GPR39: variants seen among roughly 807,000 people sequenced by gnomAD.
GPR39 encodes zinc sensing receptor.
Under a neutral mutation model 18.4 loss-of-function variants are expected in GPR39, and 23 were observed. That is an observed-to-expected ratio of 1.25 (90% CI 0.90 to 1.77). The LOEUF (loss-of-function observed/expected upper bound fraction) is 1.77, where lower values mean the gene tolerates loss of function less well. Among genes scored for constraint, GPR39 ranks in the 40% most tolerant of loss-of-function variants. The probability of loss-of-function intolerance (pLI) is 0.00; values close to 1 mark genes in which losing one functional copy is unlikely to be tolerated. For missense variants in GPR39, 647 were observed against 602.4 expected, an observed-to-expected ratio of 1.07 and a Z score of -0.78; for synonymous variants, 280 against 257.9, an observed-to-expected ratio of 1.09 and a Z score of -0.82.
chr2:132,505,917 A>T (rs1368143417), intron 1 of GPR39, among the ~76,000 whole-genome samples: 1 of 152,234 alleles, frequency 6.6e-6, no homozygotes, highest in Non-Finnish European at 1.5e-5. Context: ...ATAAATACCA[A>T]GGAGTGGGAT....
intron 1 of GPR39, among the ~76,000 whole-genome samples, chr2:132,434,516 G>A (rs1401572394): frequency 6.6e-6 from 1 of 152,140 alleles, no homozygotes; most frequent in Admixed American, 6.5e-5. Flanking sequence ...GGTCAACACT[G>A]AAGGTGTTGA....
chr2:132,539,710 G>A (rs1388612985), intron 1 of GPR39, among the ~76,000 whole-genome samples: 1 of 152,166 alleles, frequency 6.6e-6, no homozygotes, highest in African/African-American at 2.4e-5. Context: ...CTTAGCTGGA[G>A]TGGCCAGAGC....
chr2:132,610,777 CAA>C (rs34611787), intron 1 of GPR39, among the ~76,000 whole-genome samples: 133 of 88,706 alleles, frequency 1.5e-3, no homozygotes, highest in East Asian at 7.1e-3. Flanking sequence ...ACTCTGTCTC[CAA>C]AAAAAAAAAA....
Position 132,645,402 on chromosome 2 carries a change from CTTTGTGCAGCGCCCGT to C in GPR39, c.1160_1175del (p.Phe387CysfsTer19), listed in dbSNP as rs769954039. On this transcript the variant is annotated frameshift_variant, in exon 2 of 2. Coordinates refer to ENST00000329321, the MANE Select transcript of GPR39 (RefSeq NM_001508.3). LOFTEE classifies it low-confidence loss of function (END_TRUNC). Reference sequence around the variant, plus strand: ...CGCACTCCACCACCGACAGCGCCCGCTTTGTGCAGCGCCCGTTGCTCTTCGCGTCCCGGCGCCAGTC... The same window carrying C: ...CGCACTCCACCACCGACAGCGCCCGCTGCTCTTCGCGTCCCGGCGCCAGTC... 4.3e-6 allele frequency: 7 copies of C among 1,613,704 alleles called. No individual in the cohort carries two copies. The highest frequency in any genetic ancestry group is 2.2e-5 in the South Asian group (2 of 91,066).
At chr2:132,580,968 AAAAAC>A (rs1680611804) in intron 1 of GPR39, among the ~76,000 whole-genome samples, 1 of 148,998 alleles carries the variant, frequency 6.7e-6, no homozygotes, top group African/African-American at 2.6e-5. Context: ...CTCAAAAAAA[AAAAAC>A]AAAAAAAAAA....
intron 1 of GPR39, among the ~76,000 whole-genome samples, chr2:132,537,932 G>T (rs1349420810): frequency 6.6e-6 from 1 of 151,900 alleles, no homozygotes; most frequent in East Asian, 1.9e-4. Context: ...GGTTATTCTG[G>T]TTAGCAACTC....
chr2:132,575,904 G>A (rs996154439), intron 1 of GPR39, among the ~76,000 whole-genome samples: 5 of 152,146 alleles, frequency 3.3e-5, no homozygotes, highest in African/African-American at 1.2e-4. Context: ...AATGGTATTA[G>A]TGCCATTGTA....
At chr2:132,440,750 AAAT>A (rs570371237) in intron 1 of GPR39, among the ~76,000 whole-genome samples, 3 of 152,066 alleles carry the variant, frequency 2.0e-5, no homozygotes, top group Non-Finnish European at 2.9e-5. Flanking sequence ...CTGAGATTTA[AAAT>A]AATAATAATA....
At chr2:132,466,431 A>G (rs913001044) in intron 1 of GPR39, among the ~76,000 whole-genome samples, 1 of 152,102 alleles carries the variant, frequency 6.6e-6, no homozygotes, top group African/African-American at 2.4e-5. Context: ...TAGGAATGAA[A>G]TGCATTTTTC....
At chr2:132,586,292 C>G (rs1159894141) in intron 1 of GPR39, among the ~76,000 whole-genome samples, 1 of 152,128 alleles carries the variant, frequency 6.6e-6, no homozygotes, top group African/African-American at 2.4e-5. Flanking sequence ...GTCGGTGATT[C>G]TGAAGGCACC....
intron 1 of GPR39, among the ~76,000 whole-genome samples, chr2:132,611,113 C>A (rs1681232378): frequency 6.6e-6 from 1 of 152,160 alleles, no homozygotes; most frequent in South Asian, 2.1e-4. Context: ...TTTGAAGCAC[C>A]CAACTTCCCC....
chr2:132,458,385 C>A (rs1310093426), intron 1 of GPR39, among the ~76,000 whole-genome samples: 1 of 145,238 alleles, frequency 6.9e-6, no homozygotes, highest in African/African-American at 2.6e-5. Context: ...ATTTCAAATT[C>A]TTCTATCTTA....
chr2:132,610,777 C>CACAA (rs1681224151), intron 1 of GPR39, among the ~76,000 whole-genome samples: 1 of 88,726 alleles, frequency 1.1e-5, no homozygotes, highest in Non-Finnish European at 2.2e-5. Context: ...ACTCTGTCTC[C>CACAA]AAAAAAAAAA....
intron 1 of GPR39, among the ~76,000 whole-genome samples, chr2:132,524,496 G>A (rs1452627671): frequency 2.6e-5 from 4 of 152,148 alleles, no homozygotes; most frequent in Non-Finnish European, 4.4e-5. Flanking sequence ...GCAACAACCT[G>A]CACTTTGCCA....
chr2:132,556,017 G>A lies in GPR39; in HGVS notation c.857-89084G>A, dbSNP rs28550684. On this transcript the variant is annotated intron_variant, in intron 1 of 1. Coordinates refer to ENST00000329321, the MANE Select transcript of GPR39 (RefSeq NM_001508.3). ...GATCTAGGGTGAAATGGGAGAATTTGTGCTTCTAACAAGTTCTCACAGGAT... is the reference window on the plus strand; with the variant it reads ...GATCTAGGGTGAAATGGGAGAATTTATGCTTCTAACAAGTTCTCACAGGAT... 4.4e-4 allele frequency among the ~76,000 whole-genome samples: 67 copies of A among 152,100 alleles called. 1 individual carries two copies. In the East Asian group the frequency reaches 0.01, roughly 24 times the overall value.
chr2:132,500,234 T>G (rs1316609385), intron 1 of GPR39, among the ~76,000 whole-genome samples: 2 of 152,128 alleles, frequency 1.3e-5, no homozygotes, highest in African/African-American at 2.4e-5. Flanking sequence ...ATAGATGGCT[T>G]TTATTACCTT....
chr2:132,503,955 C>G (rs1357868536), intron 1 of GPR39, among the ~76,000 whole-genome samples: 1 of 152,220 alleles, frequency 6.6e-6, no homozygotes, highest in Admixed American at 6.5e-5. Context: ...CCATGCTCCC[C>G]CAACAGCACT....
intron 1 of GPR39, chr2:132,644,822 T>G: frequency 2.5e-6 from 1 of 393,488 alleles, no homozygotes; most frequent in Non-Finnish European, 4.5e-6. Flanking sequence ...AAACATTTTT[T>G]TAAAATTAAC....
At chr2:132,455,017 T>C (rs957885903) in intron 1 of GPR39, among the ~76,000 whole-genome samples, 4 of 152,122 alleles carry the variant, frequency 2.6e-5, no homozygotes, top group Admixed American at 2.0e-4. Context: ...GGGAGGATTC[T>C]CTCTTTTTCT....
Sources: gnomAD v4.1 joint callset for allele counts (sites outside exome capture counted in the v4.1 genomes callset) on GRCh38, gnomAD v4.1.1 for gene constraint, MANE v1.5 for transcripts, NCBI Gene and HGNC (gene_info 2026-07-23, HGNC 2026-07-21) for gene names.